Variants in NR6A1 observed in about 807,000 individuals in gnomAD.
The protein encoded by NR6A1 is retinoic acid receptor-related testis-associated receptor.
In NR6A1, 7 loss-of-function variants were observed where a neutral mutation model predicts 59.1. The observed-to-expected ratio is 0.12, with a 90% CI of 0.07 to 0.22. The LOEUF is 0.22. NR6A1 is among the 10% of genes least tolerant of loss of function. The pLI, the probability that NR6A1 is intolerant of heterozygous loss-of-function variation, is 1.00. For missense variants in NR6A1, 468 were observed against 611.6 expected (o/e 0.77, Z 2.48); for synonymous variants, 243 against 236.1 (o/e 1.03, Z -0.27).
chr9:124,704,806 A>T (rs1374643561), intron 2 of NR6A1, among the ~76,000 whole-genome samples: 1 of 152,124 alleles, frequency 6.6e-6, no homozygotes, highest in African/African-American at 2.4e-5. Context: ...TGGCACAATT[A>T]AGGCTCACTG....
chr9:124,529,865 A>G (rs1371803107), intron 7 of NR6A1, among the ~76,000 whole-genome samples: 2 of 152,078 alleles, frequency 1.3e-5, no homozygotes, highest in Non-Finnish European at 2.9e-5. Flanking sequence ...TGGGAGTGGG[A>G]AAAAAAGTTC....
At chr9:124,600,451 G>GA (rs978431986) in intron 2 of NR6A1, among the ~76,000 whole-genome samples, 65 of 152,218 alleles carry the variant, frequency 4.3e-4, no homozygotes, top group African/African-American at 1.5e-3. Context: ...CATAGTTCAG[G>GA]AAAAAACTCA....
intron 2 of NR6A1, among the ~76,000 whole-genome samples, chr9:124,677,212 G>A (rs901315075): frequency 1.3e-5 from 2 of 152,016 alleles, no homozygotes; most frequent in Non-Finnish European, 2.9e-5. Flanking sequence ...TTCATATATG[G>A]TCAAAATAGT....
In NR6A1 at chr9:124,588,430, C is replaced by G. The variant is rs1834997339; in HGVS notation, c.143-33860G>C. Among the ~76,000 whole-genome samples the G allele has an allele frequency of 2.0e-5, 3 of 151,806 alleles. No individual in the cohort carries two copies. The South Asian group carries it at 6.2e-4, about 32-fold the overall frequency. On this transcript the variant is annotated intron_variant, in intron 2 of 9. Coordinates refer to ENST00000487099, the MANE Select transcript of NR6A1 (RefSeq NM_033334.4). ...TCACGCCATTCTCCTGCCTCAGCCT[C>G]CCGAGTAGCTGGGACTACAGGCGCC... is the stretch of plus-strand genomic sequence containing the variant.
intron 8 of NR6A1, among the ~76,000 whole-genome samples, chr9:124,525,175 T>C (rs1832897463): frequency 6.6e-6 from 1 of 152,000 alleles, no homozygotes. Context: ...ACTAAACAAA[T>C]GACTGAATAA....
At chr9:124,764,527 TA>T (rs1588864729) in intron 1 of NR6A1, among the ~76,000 whole-genome samples, 1 of 152,220 alleles carries the variant, frequency 6.6e-6, no homozygotes, top group African/African-American at 2.4e-5. Context: ...GAACTGGAAA[TA>T]AAAAGCTGGG....
intron 2 of NR6A1, among the ~76,000 whole-genome samples, chr9:124,639,226 A>C (rs1836703303): frequency 6.6e-6 from 1 of 152,230 alleles, no homozygotes; most frequent in African/African-American, 2.4e-5. Flanking sequence ...TAAGGATTTA[A>C]ATCCAAGAAT....
intron 2 of NR6A1, among the ~76,000 whole-genome samples, chr9:124,719,352 G>A (rs1228650760): frequency 6.6e-6 from 1 of 152,170 alleles, no homozygotes; most frequent in African/African-American, 2.4e-5. Flanking sequence ...GATGACAGGA[G>A]TGAGCTACCT....
At chr9:124,637,331 T>C (rs981196609) in intron 2 of NR6A1, among the ~76,000 whole-genome samples, 7 of 152,140 alleles carry the variant, frequency 4.6e-5, no homozygotes, top group East Asian at 1.9e-4. Flanking sequence ...GAAGGCCAGA[T>C]TGGGAAAGGT....
At chr9:124,609,641 T>C (rs1311344142) in intron 2 of NR6A1, among the ~76,000 whole-genome samples, 1 of 152,250 alleles carries the variant, frequency 6.6e-6, no homozygotes, top group East Asian at 1.9e-4. Context: ...CCTAATTCTT[T>C]GAAGAATGTC....
chr9:124,621,430 T>G (rs1836070154), intron 2 of NR6A1, among the ~76,000 whole-genome samples: 3 of 151,706 alleles, frequency 2.0e-5, no homozygotes, highest in Admixed American at 1.3e-4. Context: ...ATGGATCACT[T>G]AAGTCCTTGA....
chr9:124,748,473 T>C (rs770765172), intron 1 of NR6A1, among the ~76,000 whole-genome samples: 14 of 152,180 alleles, frequency 9.2e-5, no homozygotes, highest in Admixed American at 1.3e-4. Flanking sequence ...AAAGGAGAAA[T>C]TGTTTAAAGG....
At chr9:124,673,292 C>T (rs1837850404) in intron 2 of NR6A1, among the ~76,000 whole-genome samples, 1 of 151,770 alleles carries the variant, frequency 6.6e-6, no homozygotes, top group African/African-American at 2.4e-5. Flanking sequence ...TATACCACTG[C>T]ACACCAGCTG....
intron 1 of NR6A1, among the ~76,000 whole-genome samples, chr9:124,743,956 G>A (rs903268474): frequency 5.9e-5 from 9 of 152,242 alleles, no homozygotes; most frequent in Non-Finnish European, 1.3e-4. Context: ...GCCAGGCACA[G>A]TGGCTCACGC....
At chr9:124,540,986 T>C (rs1833425798) in intron 4 of NR6A1, among the ~76,000 whole-genome samples, 1 of 150,720 alleles carries the variant, frequency 6.6e-6, no homozygotes, top group Admixed American at 6.6e-5. Flanking sequence ...AACCTCAAAA[T>C]AGATTAAATA....
intron 2 of NR6A1, among the ~76,000 whole-genome samples, chr9:124,637,445 T>C (rs1836641763): frequency 6.6e-6 from 1 of 152,154 alleles, no homozygotes; most frequent in Non-Finnish European, 1.5e-5. Flanking sequence ...CTAGGCAAGG[T>C]GTTGTACATA....
At chr9:124,732,222 C>G (rs1172467635) in intron 2 of NR6A1, among the ~76,000 whole-genome samples, 1 of 152,176 alleles carries the variant, frequency 6.6e-6, no homozygotes, top group African/African-American at 2.4e-5. Context: ...TATCACTGAT[C>G]TCAACAGCAG....
intron 2 of NR6A1, among the ~76,000 whole-genome samples, chr9:124,630,291 C>T (rs955274535): frequency 1.0e-4 from 15 of 146,558 alleles, no homozygotes; most frequent in South Asian, 2.2e-4. Context: ...TCTTGGCTCA[C>T]TGCAACCTCT....
intron 2 of NR6A1, among the ~76,000 whole-genome samples, chr9:124,631,859 C>T (rs1402308541): frequency 6.6e-6 from 1 of 152,184 alleles, no homozygotes; most frequent in African/African-American, 2.4e-5. Flanking sequence ...TGTTGTTCCC[C>T]TCTATGTGGC....
Sources: gnomAD v4.1 joint callset for allele counts (sites outside exome capture counted in the v4.1 genomes callset) on GRCh38, gnomAD v4.1.1 for gene constraint, MANE v1.5 for transcripts, NCBI Gene and HGNC (gene_info 2026-07-23, HGNC 2026-07-21) for gene names.